Variants in SPAG16 observed in about 807,000 individuals in gnomAD.
SPAG16 encodes sperm-associated antigen 16 protein.
A neutral mutation model predicts 80.4 loss-of-function variants in SPAG16; 86 were observed. The observed-to-expected ratio is 1.07, with a 90% CI of 0.90 to 1.28. SPAG16 has a LOEUF of 1.28. Among genes scored for constraint, SPAG16 ranks in the 50% most tolerant of loss-of-function variants. The pLI, the probability that SPAG16 is intolerant of heterozygous loss-of-function variation, is 0.00. For synonymous variants in SPAG16, 294 were observed against 265.9 expected (o/e 1.11, Z -1.03); for missense variants, 870 against 765.3 (o/e 1.14, Z -1.61).
At chr2:213,685,231 G>A (rs1301242921) in intron 10 of SPAG16, among the ~76,000 whole-genome samples, 1 of 152,244 alleles carries the variant, frequency 6.6e-6, no homozygotes, top group Non-Finnish European at 1.5e-5. Context: ...TTGGAAACAA[G>A]GACTTTGCAG....
intron 14 of SPAG16, among the ~76,000 whole-genome samples, chr2:214,136,660 C>G: frequency 6.6e-6 from 1 of 152,164 alleles, no homozygotes; most frequent in East Asian, 1.9e-4. Context: ...TTTCCTCCTT[C>G]TTTATACTTG....
At chr2:213,797,447 CTATGTTTAGA>C (rs2071114657) in intron 10 of SPAG16, among the ~76,000 whole-genome samples, 2 of 152,090 alleles carry the variant, frequency 1.3e-5, no homozygotes, top group Non-Finnish European at 2.9e-5. Flanking sequence ...CATTACTTTT[CTATGTTTAGA>C]TATGTTTAGA....
At chr2:213,778,841 C>CAGTTCCAT (rs2125575674) in intron 10 of SPAG16, among the ~76,000 whole-genome samples, 1 of 152,220 alleles carries the variant, frequency 6.6e-6, no homozygotes, top group South Asian at 2.1e-4. Flanking sequence ...GAATTTTTTT[C>CAGTTCCAT]AGTTCCATGT....
chr2:213,802,053 G>T (rs1051769570), intron 10 of SPAG16, among the ~76,000 whole-genome samples: 4 of 152,136 alleles, frequency 2.6e-5, no homozygotes, highest in Non-Finnish European at 4.4e-5. Context: ...TGTCTGAAAA[G>T]AACCTGAGAA....
chr2:213,701,696 G>A (rs112055307), intron 10 of SPAG16, among the ~76,000 whole-genome samples: 16 of 152,344 alleles, frequency 1.1e-4, no homozygotes, highest in African/African-American at 3.1e-4. Context: ...CTCCTGAGTC[G>A]GGTAGGGACT....
In SPAG16 at chr2:213,978,065, A is replaced by T. The variant is rs183049933; in HGVS notation, c.1401-35886A>T. 2.4e-3 allele frequency among the ~76,000 whole-genome samples: 358 copies of T among 151,370 alleles called. 3 individuals are homozygous for T. Among genetic ancestry groups the T allele is most frequent in the African/African-American group, 8.4e-3 (347 of 41,218 alleles). ...TTTTTTCACCACAGAGTACTATGAG[A>T]CACCCCTTTTAACTTTTCTGGAGTC... On this transcript the variant is annotated intron_variant, in intron 12 of 15. Coordinates refer to ENST00000331683, the MANE Select transcript of SPAG16 (RefSeq NM_024532.5).
chr2:214,144,777 A>T (rs929353883), intron 14 of SPAG16, among the ~76,000 whole-genome samples: 5 of 152,082 alleles, frequency 3.3e-5, no homozygotes, highest in African/African-American at 4.8e-5. Context: ...AAAGGTATTT[A>T]TATATATAAC....
chr2:213,974,268 A>G (rs1377462803), intron 12 of SPAG16, among the ~76,000 whole-genome samples: 1 of 152,130 alleles, frequency 6.6e-6, no homozygotes, highest in Non-Finnish European at 1.5e-5. Flanking sequence ...TCAGAAGATT[A>G]GTTTGGCAGT....
chr2:214,225,043 G>A (rs1234088370), intron 15 of SPAG16, among the ~76,000 whole-genome samples: 2 of 152,146 alleles, frequency 1.3e-5, no homozygotes, highest in African/African-American at 4.8e-5. Flanking sequence ...AAGGGTTCAC[G>A]AATAAGGTAA....
At chr2:213,498,338 A>C (rs1167525825) in intron 10 of SPAG16, among the ~76,000 whole-genome samples, 1 of 152,034 alleles carries the variant, frequency 6.6e-6, no homozygotes, top group Admixed American at 6.5e-5. Context: ...TTTATGATGA[A>C]TGGGTTGTAA....
intron 1 of SPAG16, among the ~76,000 whole-genome samples, chr2:213,290,325 A>G (rs1922789): frequency 0.61 from 92,781 of 152,016 alleles, 29,036 homozygotes; most frequent in Middle Eastern, 0.74. Context: ...TTATGACTAG[A>G]AATACAGAAC....
At chr2:213,949,168 A>AGTTTTTTTTTTTTTTTTT (rs2079598370) in intron 12 of SPAG16, among the ~76,000 whole-genome samples, 1 of 75,196 alleles carries the variant, frequency 1.3e-5, no homozygotes, top group African/African-American at 3.9e-5. Flanking sequence ...TAATTACAAC[A>AGTTTTTTTTTTTTTTTTT]GTTTTTTTTT....
At chr2:213,309,795 C>T (rs7425349) in intron 3 of SPAG16, among the ~76,000 whole-genome samples, 103,607 of 151,866 alleles carry the variant, frequency 0.68, 36,131 homozygotes, top group East Asian at 1. Flanking sequence ...GTACTTAGTA[C>T]CATCTGTCAT....
intron 11 of SPAG16, among the ~76,000 whole-genome samples, chr2:213,912,636 C>T (rs972614511): frequency 2.6e-5 from 4 of 152,062 alleles, no homozygotes; most frequent in Admixed American, 2.0e-4. Flanking sequence ...TATGTGCATT[C>T]GGTGTAGAGC....
chr2:214,137,062 T>C (rs1454515805), intron 14 of SPAG16, among the ~76,000 whole-genome samples: 2 of 152,198 alleles, frequency 1.3e-5, no homozygotes, highest in African/African-American at 4.8e-5. Context: ...TGTGATGTTT[T>C]GATTTCATTA....
chr2:213,436,456 T>A (rs1214442145), intron 9 of SPAG16, among the ~76,000 whole-genome samples: 1 of 152,196 alleles, frequency 6.6e-6, no homozygotes, highest in African/African-American at 2.4e-5. Context: ...TCTACACAAT[T>A]AACACAAATA....
At chr2:213,316,754 C>A (rs981205968) in intron 4 of SPAG16, among the ~76,000 whole-genome samples, 1 of 152,024 alleles carries the variant, frequency 6.6e-6, no homozygotes, top group African/African-American at 2.4e-5. Context: ...CCCTCATTTC[C>A]TTTAGATCTC....
chr2:213,535,581 T>C, intron 10 of SPAG16, among the ~76,000 whole-genome samples: 1 of 152,168 alleles, frequency 6.6e-6, no homozygotes, highest in Non-Finnish European at 1.5e-5. Flanking sequence ...CTTAAATGTA[T>C]TTTGTATATA....
At chr2:214,318,247 A>G (rs986558439) in intron 15 of SPAG16, among the ~76,000 whole-genome samples, 9 of 152,120 alleles carry the variant, frequency 5.9e-5, no homozygotes, top group African/African-American at 2.2e-4. Flanking sequence ...TATTCTACTC[A>G]CAGAAGGAGG....
Sources: allele counts gnomAD v4.1 joint callset (sites outside exome capture counted in the v4.1 genomes callset), GRCh38; gene constraint gnomAD v4.1.1; transcripts MANE v1.5; gene names NCBI Gene and HGNC (gene_info 2026-07-23, HGNC 2026-07-21).